CADPS: variants seen among roughly 807,000 people sequenced by gnomAD.
The protein encoded by CADPS is calcium dependent secretion activator.
CADPS carries 57 observed loss-of-function variants against 167.3 expected under a neutral mutation model. The ratio of observed to expected loss-of-function variants is 0.34; its 90% CI spans 0.28 to 0.42. The LOEUF (loss-of-function observed/expected upper bound fraction) is 0.42. Among genes scored for constraint, CADPS ranks in the 20% least tolerant of loss-of-function variants. The pLI is 1.00. For synonymous variants in CADPS, 676 were observed against 635.3 expected (o/e 1.06, Z -0.96); for missense variants, 1,414 against 1,738.1 (o/e 0.81, Z 3.32).
intron 5 of CADPS, among the ~76,000 whole-genome samples, chr3:62,649,735 TG>T (rs1471070897): frequency 6.6e-6 from 1 of 151,336 alleles, no homozygotes; most frequent in Non-Finnish European, 1.5e-5. Flanking sequence ...ATTTTTTTTT[TG>T]TAGAGATGTC....
At chr3:62,511,286 C>A (rs1045087367) in intron 17 of CADPS, among the ~76,000 whole-genome samples, 2 of 152,168 alleles carry the variant, frequency 1.3e-5, no homozygotes, top group East Asian at 3.8e-4. Flanking sequence ...CACCCATCCA[C>A]TACTATCATT....
At chr3:62,547,514 G>A (rs752800424) in intron 11 of CADPS, among the ~76,000 whole-genome samples, 2 of 148,786 alleles carry the variant, frequency 1.3e-5, no homozygotes, top group African/African-American at 2.5e-5. Flanking sequence ...AATCCCAATG[G>A]CATGCATGAT....
chr3:62,564,006 GTTTCT>G (rs1308008409), intron 9 of CADPS, among the ~76,000 whole-genome samples: 1 of 151,750 alleles, frequency 6.6e-6, no homozygotes, highest in Admixed American at 6.6e-5. Context: ...CCTGTGTTAG[GTTTCT>G]TTTTTTTTGA....
chr3:62,536,339 A>T, intron 12 of CADPS, 106 bp downstream of exon 12: 1 of 962,038 alleles, frequency 1.0e-6, no homozygotes, highest in Non-Finnish European at 1.5e-6. Flanking sequence ...TAATTGTTAA[A>T]GGGATTCTGT....
At chr3:62,614,814 A>G (rs2062011623) in intron 6 of CADPS, among the ~76,000 whole-genome samples, 1 of 152,206 alleles carries the variant, frequency 6.6e-6, no homozygotes, top group Non-Finnish European at 1.5e-5. Flanking sequence ...GCAAAACCAG[A>G]TATATGCAGA....
intron 21 of CADPS, among the ~76,000 whole-genome samples, chr3:62,486,377 G>A (rs112286136): frequency 0.011 from 1,712 of 150,134 alleles, 36 homozygotes; most frequent in African/African-American, 0.039. Flanking sequence ...CCCAGGAGGC[G>A]GAGCTTGCAG....
At chr3:62,616,173 T>G (rs1206646000) in intron 6 of CADPS, among the ~76,000 whole-genome samples, 1 of 152,214 alleles carries the variant, frequency 6.6e-6, no homozygotes, top group Non-Finnish European at 1.5e-5. Context: ...TTTCATCACT[T>G]TAAGCACAGA....
intron 19 of CADPS, among the ~76,000 whole-genome samples, chr3:62,492,935 C>T (rs1179474266): frequency 1.3e-5 from 2 of 152,170 alleles, no homozygotes; most frequent in African/African-American, 4.8e-5. Context: ...ACTCATGTTT[C>T]CCTACACATT....
chr3:62,481,087 T>C (rs1003741934), intron 22 of CADPS, among the ~76,000 whole-genome samples: 1 of 152,254 alleles, frequency 6.6e-6, no homozygotes, highest in Non-Finnish European at 1.5e-5. Flanking sequence ...CGAGAATTAT[T>C]GAACTTCTCA....
chr3:62,733,882 C>A (rs2078444827), intron 3 of CADPS, among the ~76,000 whole-genome samples: 1 of 152,124 alleles, frequency 6.6e-6, no homozygotes. Flanking sequence ...CTCATTATAT[C>A]ATTTTTATGC....
At chr3:62,597,624 T>C (rs1248443995) in intron 6 of CADPS, among the ~76,000 whole-genome samples, 1 of 152,116 alleles carries the variant, frequency 6.6e-6, no homozygotes, top group Non-Finnish European at 1.5e-5. Flanking sequence ...GATGCTCAGC[T>C]CATAAGGCGT....
At chr3:62,435,022 CCAAACAG>C (rs1298543150) in intron 28 of CADPS, among the ~76,000 whole-genome samples, 1 of 152,128 alleles carries the variant, frequency 6.6e-6, no homozygotes, top group African/African-American at 2.4e-5. Flanking sequence ...TCAACAACCC[CCAAACAG>C]CAAACAATCT....
At chr3:62,821,015 A>G (rs2094889611) in intron 1 of CADPS, among the ~76,000 whole-genome samples, 1 of 151,914 alleles carries the variant, frequency 6.6e-6, no homozygotes, top group African/African-American at 2.4e-5. Flanking sequence ...TGGCCAGGCT[A>G]ATCTCAATCT....
At chr3:62,417,661 GAA>G (rs1441845749) in intron 28 of CADPS, among the ~76,000 whole-genome samples, 1 of 151,734 alleles carries the variant, frequency 6.6e-6, no homozygotes, top group African/African-American at 2.4e-5. Context: ...ATCTGATTTG[GAA>G]AAAAGTTCTA....
At chr3:62,833,492 T>C (rs1355669072) in intron 1 of CADPS, among the ~76,000 whole-genome samples, 2 of 151,792 alleles carry the variant, frequency 1.3e-5, no homozygotes. Context: ...ACGGCCAGCT[T>C]ATTCTTAGAT....
At chr3:62,756,874 C>T (rs1424201788) in intron 2 of CADPS, among the ~76,000 whole-genome samples, 1 of 151,964 alleles carries the variant, frequency 6.6e-6, no homozygotes, top group Non-Finnish European at 1.5e-5. Flanking sequence ...AGGGAGGGGC[C>T]AGAGAGTCCA....
chr3:62,675,569 T>C (rs141734115), intron 3 of CADPS, among the ~76,000 whole-genome samples: 69 of 152,266 alleles, frequency 4.5e-4, no homozygotes, highest in Non-Finnish European at 9.6e-4. Flanking sequence ...GAGAGAAACC[T>C]GCAAATAAGC....
At chr3:62,780,885 CT>C (rs2091440332) in intron 1 of CADPS, among the ~76,000 whole-genome samples, 2 of 152,062 alleles carry the variant, frequency 1.3e-5, no homozygotes, top group Non-Finnish European at 2.9e-5. Context: ...ATGTTTTTAA[CT>C]TTGTGAAAAA....
In CADPS at chr3:62,662,405, GCA is replaced by G; in HGVS notation, c.889-13_889-12del. The G allele has an allele frequency of 6.2e-7, 1 of 1,613,288 alleles. No homozygotes were observed. Among genetic ancestry groups the G allele is most frequent in the Non-Finnish European group, 8.5e-7 (1 of 1,179,402 alleles). On this transcript the variant is annotated splice_polypyrimidine_tract_variant and intron_variant, in intron 3 of 29. Coordinates refer to ENST00000383710, the MANE Select transcript of CADPS (RefSeq NM_003716.4). Reference sequence around the variant, plus strand: ...ATCTGGATTGTCCAGCTGCACAAAAGCACAGACATTGAGACTTTTAGTTTGGG... The same window carrying G: ...ATCTGGATTGTCCAGCTGCACAAAAGCAGACATTGAGACTTTTAGTTTGGG...
Sources: gnomAD v4.1 joint callset for allele counts (sites outside exome capture counted in the v4.1 genomes callset) on GRCh38, gnomAD v4.1.1 for gene constraint, MANE v1.5 for transcripts, NCBI Gene and HGNC (gene_info 2026-07-23, HGNC 2026-07-21) for gene names.